CD53: variants seen among roughly 807,000 people sequenced by gnomAD.
CD53 encodes CD53 molecule.
A neutral mutation model predicts 27.3 loss-of-function variants in CD53; 20 were observed. The observed-to-expected ratio is 0.73, with a 90% CI of 0.52 to 1.07. The LOEUF is 1.07. CD53 is among the 50% of genes least tolerant of loss of function. The probability of loss-of-function intolerance (pLI) is 0.00; values close to 1 mark genes in which losing one functional copy is unlikely to be tolerated. For synonymous variants in CD53, 106 were observed against 105.3 expected, an observed-to-expected ratio of 1.01 and a Z score of -0.04; for missense variants, 216 against 264.0, an observed-to-expected ratio of 0.82 and a Z score of 1.26.
At chr1:110,880,772 T>C (rs1007029984) in intron 1 of CD53, among the ~76,000 whole-genome samples, 1 of 152,142 alleles carries the variant, frequency 6.6e-6, no homozygotes, top group African/African-American at 2.4e-5. Flanking sequence ...GGAGCTCACA[T>C]TCTAGTGAGG....
chr1:110,895,669 G>A (rs1348543169), intron 5 of CD53, among the ~76,000 whole-genome samples: 1 of 151,992 alleles, frequency 6.6e-6, no homozygotes, highest in African/African-American at 2.4e-5. Flanking sequence ...GTAGCCCTGG[G>A]GAAGTCACTT....
intron 1 of CD53, among the ~76,000 whole-genome samples, chr1:110,886,396 G>C (rs1019178445): frequency 1.3e-5 from 2 of 151,632 alleles, no homozygotes; most frequent in African/African-American, 2.4e-5. Context: ...GGTTCCATAG[G>C]GATATTATTT....
chr1:110,894,925 T>C (rs1050385786), intron 4 of CD53, 35 bp from the exon 5 acceptor site: 1 of 1,534,796 alleles, frequency 6.5e-7, no homozygotes, highest in Non-Finnish European at 9.0e-7. Context: ...ACCTGCTTTT[T>C]ACCATGTCTC....
At position 110,891,372 on chromosome 1, in the gene CD53, T is replaced by C; in HGVS notation, c.-17-20T>C. 1 of 1,553,484 alleles carries C rather than the reference T, an allele frequency of 6.4e-7. No individual in the cohort carries two copies. Among genetic ancestry groups the C allele is most frequent in the Non-Finnish European group, 8.9e-7 (1 of 1,124,666 alleles). On this transcript the variant is annotated intron_variant, in intron 1 of 7. Transcript: ENST00000271324. ...CCTTACAGAGTGAGGTAACTTACTT[T>C]CTTCTTCCTTATTCCTTAGGGCAAG...
At chr1:110,898,599 T>A (rs1380625399) in intron 7 of CD53, among the ~76,000 whole-genome samples, 3 of 152,112 alleles carry the variant, frequency 2.0e-5, no homozygotes, top group African/African-American at 7.2e-5. Context: ...AATTTCCTCT[T>A]TGTTTCTGTG....
chr1:110,896,493 T>C (rs1220842325), intron 5 of CD53, among the ~76,000 whole-genome samples, 160 bp from the exon 6 acceptor site: 4 of 152,154 alleles, frequency 2.6e-5, no homozygotes, highest in Non-Finnish European at 5.9e-5. Context: ...GTATAACAGA[T>C]TAGAAAGCAC....
intron 1 of CD53, among the ~76,000 whole-genome samples, chr1:110,885,910 A>G (rs1011280157): frequency 6.6e-6 from 1 of 152,070 alleles, no homozygotes; most frequent in African/African-American, 2.4e-5. Context: ...AATAACAAGA[A>G]AAAAAGTATT....
At chr1:110,887,514 T>G (rs1656675958) in intron 1 of CD53, among the ~76,000 whole-genome samples, 1 of 152,244 alleles carries the variant, frequency 6.6e-6, no homozygotes, top group Non-Finnish European at 1.5e-5. Flanking sequence ...TTTACTTTGT[T>G]GGGTGCTAAA....
intron 5 of CD53, among the ~76,000 whole-genome samples, 179 bp downstream of exon 5, chr1:110,895,234 A>T (rs575217028): frequency 1.3e-5 from 2 of 152,298 alleles, no homozygotes; most frequent in East Asian, 3.9e-4. Flanking sequence ...ATTAGTACAA[A>T]GTTCTCTACA....
intron 5 of CD53, 55 bp from the exon 6 acceptor site, chr1:110,896,598 C>A: frequency 1.9e-6 from 3 of 1,546,564 alleles, no homozygotes; most frequent in Non-Finnish European, 2.7e-6. Context: ...AGGTCCACAG[C>A]TTTTTTTCAC....
In CD53 at chr1:110,884,183, G is replaced by A. The variant is rs373324504; in HGVS notation, c.-17-7209G>A. Reference sequence around the variant, plus strand: ...ATTCACCCCAAAATATTGCTTTAGTGACATTCCCACATTTTCAACATGTTT... The same window carrying A: ...ATTCACCCCAAAATATTGCTTTAGTAACATTCCCACATTTTCAACATGTTT... On this transcript the variant is annotated intron_variant, in intron 1 of 7. Transcript: ENST00000271324. Among the ~76,000 whole-genome samples the A allele has an allele frequency of 2.6e-5, 4 of 152,016 alleles. No individual in the cohort carries two copies. In the East Asian group the frequency reaches 7.7e-4, roughly 29 times the overall value.
intron 3 of CD53, 49 bp downstream of exon 3, chr1:110,892,582 T>C (rs1215568556): frequency 7.0e-7 from 1 of 1,431,930 alleles, no homozygotes; most frequent in East Asian, 2.3e-5. Flanking sequence ...AGATGGTGCC[T>C]AAATCCCAGG....
chr1:110,880,809 T>C (rs1656325713), intron 1 of CD53, among the ~76,000 whole-genome samples: 1 of 152,084 alleles, frequency 6.6e-6, no homozygotes, highest in Non-Finnish European at 1.5e-5. Context: ...AACAAAATGG[T>C]TAGTACAATG....
At chr1:110,884,073 A>G (rs1214959994) in intron 1 of CD53, among the ~76,000 whole-genome samples, 3 of 151,852 alleles carry the variant, frequency 2.0e-5, no homozygotes, top group African/African-American at 7.2e-5. Context: ...TTAGTTTGTT[A>G]TACTTTTTCT....
intron 1 of CD53, among the ~76,000 whole-genome samples, chr1:110,887,609 T>C (rs1656679514): frequency 6.6e-6 from 1 of 152,228 alleles, no homozygotes; most frequent in South Asian, 2.1e-4. Flanking sequence ...CTTGGGCCCT[T>C]ACTCTTAAGA....
chr1:110,871,442 C>G (rs1170340608), upstream of CD53, among the ~76,000 whole-genome samples: 3 of 151,964 alleles, frequency 2.0e-5, no homozygotes, highest in Non-Finnish European at 2.9e-5. Flanking sequence ...GCCAGTCAGG[C>G]CTTTCCTGGA....
chr1:110,871,250 T>C (rs766021934), upstream of CD53, among the ~76,000 whole-genome samples: 51 of 152,170 alleles, frequency 3.4e-4, no homozygotes, highest in Middle Eastern at 3.2e-3. Flanking sequence ...ACTGGGATCC[T>C]GTAACACAGG....
intron 1 of CD53, among the ~76,000 whole-genome samples, chr1:110,875,197 C>T (rs1375154728): frequency 2.0e-5 from 3 of 152,142 alleles, no homozygotes; most frequent in Non-Finnish European, 4.4e-5. Flanking sequence ...TACCTCCAGG[C>T]ATGTTAGAAA....
intron 1 of CD53, among the ~76,000 whole-genome samples, chr1:110,882,142 A>G (rs930082283): frequency 6.6e-6 from 1 of 152,128 alleles, no homozygotes; most frequent in African/African-American, 2.4e-5. Context: ...TTATCAACTT[A>G]TTGTGCTTTT....
Sources: gnomAD v4.1 joint callset for allele counts (sites outside exome capture counted in the v4.1 genomes callset) on GRCh38, gnomAD v4.1.1 for gene constraint, MANE v1.5 for transcripts, NCBI Gene and HGNC (gene_info 2026-07-23, HGNC 2026-07-21) for gene names.